The following DSCAM variants were observed in gnomAD, a reference collection of about 807,000 sequenced individuals.
The protein encoded by DSCAM is cell adhesion molecule DSCAM.
A neutral mutation model predicts 217.7 loss-of-function variants in DSCAM; 47 were observed. That is an observed-to-expected ratio of 0.22 (90% confidence interval 0.17 to 0.28). The LOEUF (loss-of-function observed/expected upper bound fraction) is 0.28, where lower values mean the gene tolerates loss of function less well. DSCAM is among the 10% of genes least tolerant of loss of function. The pLI is 1.00. For synonymous variants in DSCAM, 1,056 were observed against 1,015.3 expected, an observed-to-expected ratio of 1.04 and a Z score of -0.76; for missense variants, 2,080 against 2,618.3, an observed-to-expected ratio of 0.79 and a Z score of 4.49.
chr21:40,758,430 T>C (rs1040323923), intron 1 of DSCAM, among the ~76,000 whole-genome samples: 1 of 145,206 alleles, frequency 6.9e-6, no homozygotes, highest in African/African-American at 2.6e-5. Context: ...GGCAGGAGAA[T>C]GGCGTGAACC....
intron 16 of DSCAM, among the ~76,000 whole-genome samples, chr21:40,161,940 T>C (rs1398474645): frequency 2.6e-5 from 4 of 152,238 alleles, no homozygotes; most frequent in Non-Finnish European, 5.9e-5. Context: ...AAAGTTACTC[T>C]AAGCTTAAGT....
intron 1 of DSCAM, among the ~76,000 whole-genome samples, chr21:40,766,806 C>G (rs907061869): frequency 3.3e-5 from 5 of 151,330 alleles, no homozygotes; most frequent in African/African-American, 1.2e-4. Context: ...TCTCCTGCCT[C>G]AGCTTCCCAA....
intron 3 of DSCAM, among the ~76,000 whole-genome samples, chr21:40,496,778 G>A (rs1437457849): frequency 6.6e-6 from 1 of 152,010 alleles, no homozygotes; most frequent in Admixed American, 6.6e-5. Context: ...TATAAGGAAT[G>A]CAAACAGCTC....
At chr21:40,612,168 T>C (rs2089324673) in intron 3 of DSCAM, among the ~76,000 whole-genome samples, 2 of 152,196 alleles carry the variant, frequency 1.3e-5, no homozygotes, top group African/African-American at 4.8e-5. Context: ...CACGATTTTA[T>C]AGAAATTAAA....
intron 3 of DSCAM, among the ~76,000 whole-genome samples, chr21:40,390,557 G>A (rs2123753149): frequency 6.6e-6 from 1 of 152,240 alleles, no homozygotes; most frequent in Non-Finnish European, 1.5e-5. Context: ...TGATAGCAGG[G>A]TATTCTTTTC....
At chr21:40,759,651 C>T (rs555623385) in intron 1 of DSCAM, among the ~76,000 whole-genome samples, 2 of 152,212 alleles carry the variant, frequency 1.3e-5, no homozygotes, top group Non-Finnish European at 2.9e-5. Context: ...ATTGCTGGGG[C>T]TGGCCTCGGA....
At chr21:40,750,206 G>C (rs1425467048) in intron 1 of DSCAM, among the ~76,000 whole-genome samples, 1 of 152,024 alleles carries the variant, frequency 6.6e-6, no homozygotes, top group Non-Finnish European at 1.5e-5. Context: ...GGGATTACAG[G>C]CATGAGCCAC....
At chr21:40,397,227 G>C (rs1383531760) in intron 3 of DSCAM, among the ~76,000 whole-genome samples, 1 of 152,090 alleles carries the variant, frequency 6.6e-6, no homozygotes. Context: ...CAAATCTCAT[G>C]TTGAGATGTG....
At chr21:40,636,798 C>T (rs2089766592) in intron 3 of DSCAM, among the ~76,000 whole-genome samples, 1 of 144,594 alleles carries the variant, frequency 6.9e-6, no homozygotes, top group Admixed American at 7.0e-5. Context: ...CATTCAACAA[C>T]CACTCCATAG....
intron 1 of DSCAM, among the ~76,000 whole-genome samples, chr21:40,728,131 C>T (rs190577904): frequency 3.3e-5 from 5 of 152,264 alleles, no homozygotes; most frequent in African/African-American, 1.2e-4. Context: ...TCCCCATGGC[C>T]CTCAGCGTCT....
chr21:40,824,403 ATT>A (rs536114434), intron 1 of DSCAM, among the ~76,000 whole-genome samples: 98 of 120,932 alleles, frequency 8.1e-4, no homozygotes, highest in Admixed American at 1.0e-3. Flanking sequence ...TTTATTATTG[ATT>A]TTTTTTTTTT....
At chr21:40,685,983 C>A (rs1368082855) in intron 3 of DSCAM, among the ~76,000 whole-genome samples, 1 of 152,110 alleles carries the variant, frequency 6.6e-6, no homozygotes. Context: ...AAACGCCTTT[C>A]CCTAGGCCAC....
chr21:40,357,093 T>C (rs139635357), intron 4 of DSCAM, among the ~76,000 whole-genome samples: 112 of 152,276 alleles, frequency 7.4e-4, no homozygotes, highest in African/African-American at 2.6e-3. Context: ...AACTGAAGAA[T>C]TCTATATTCC....
intron 1 of DSCAM, among the ~76,000 whole-genome samples, chr21:40,803,101 A>G (rs2091756700): frequency 6.6e-6 from 1 of 152,222 alleles, no homozygotes; most frequent in Non-Finnish European, 1.5e-5. Flanking sequence ...TCAGTTTCTA[A>G]GAGGAAAATA....
intron 3 of DSCAM, among the ~76,000 whole-genome samples, chr21:40,596,680 C>G (rs1172353778): frequency 6.6e-6 from 1 of 152,156 alleles, no homozygotes; most frequent in Non-Finnish European, 1.5e-5. Flanking sequence ...TCCTGCACCC[C>G]TGACCATACT....
intron 3 of DSCAM, among the ~76,000 whole-genome samples, chr21:40,459,625 T>C (rs186187780): frequency 1.1e-4 from 16 of 152,284 alleles, no homozygotes; most frequent in South Asian, 2.1e-4. Context: ...AAAATGACCA[T>C]TGAGTAAGCG....
chr21:40,421,686 G>A (rs575742128), intron 3 of DSCAM, among the ~76,000 whole-genome samples: 2 of 152,334 alleles, frequency 1.3e-5, no homozygotes, highest in Admixed American at 6.5e-5. Context: ...ATAAACAACA[G>A]TATTATCAAT....
chr21:40,162,220 TC>T (rs1478584285), intron 16 of DSCAM, among the ~76,000 whole-genome samples: 1 of 152,156 alleles, frequency 6.6e-6, no homozygotes, highest in Non-Finnish European at 1.5e-5. Flanking sequence ...TTGGGTAAGT[TC>T]CTTTGACTTC....
At chr21:40,160,136 T>TG (rs1435989301) in intron 16 of DSCAM, among the ~76,000 whole-genome samples, 2 of 151,590 alleles carry the variant, frequency 1.3e-5, no homozygotes, top group African/African-American at 2.4e-5. Context: ...CACTGGGAGG[T>TG]GAGGAGAGAG....
Sources: allele counts gnomAD v4.1 joint callset (sites outside exome capture counted in the v4.1 genomes callset), GRCh38; gene constraint gnomAD v4.1.1; transcripts MANE v1.5; gene names NCBI Gene and HGNC (gene_info 2026-07-23, HGNC 2026-07-21).